Variants in FRMPD4 observed in about 807,000 individuals in gnomAD.
FRMPD4 encodes FERM and PDZ domain containing 4.
Under a neutral mutation model 94.1 loss-of-function variants are expected in FRMPD4, and 22 were observed. The observed-to-expected ratio is 0.23, with a 90% CI of 0.17 to 0.33. The LOEUF is 0.33. FRMPD4 is among the 10% of genes least tolerant of loss of function. The pLI, the probability that FRMPD4 is intolerant of heterozygous loss-of-function variation, is 1.00. For missense variants in FRMPD4, 1,111 were observed against 1,339.9 expected (o/e 0.83, Z 2.67); for synonymous variants, 631 against 548.6 (o/e 1.15, Z -2.10).
chrX:12,098,059 C>T (rs1341044034), intron 3 of FRMPD4, among the ~76,000 whole-genome samples: 2 of 112,243 alleles, frequency 1.8e-5, no homozygotes, highest in African/African-American at 6.5e-5. Context: ...GTTCCAATAT[C>T]TGCACATTTT....
intron 1 of FRMPD4, among the ~76,000 whole-genome samples, chrX:12,391,177 C>T (rs2056469459): frequency 1.9e-5 from 2 of 102,952 alleles, no homozygotes; most frequent in Non-Finnish European, 3.9e-5. Context: ...AGAGTCATTG[C>T]TTCCCACCCA....
intron 2 of FRMPD4, among the ~76,000 whole-genome samples, chrX:12,548,808 C>G (rs1343780659): frequency 1.8e-5 from 2 of 111,603 alleles, no homozygotes; most frequent in African/African-American, 6.5e-5. Context: ...TCAAGTCAGG[C>G]CACACATGGG....
At chrX:11,893,341 A>T (rs1949951) in intron 3 of FRMPD4, among the ~76,000 whole-genome samples, 5 of 110,527 alleles carry the variant, frequency 4.5e-5, no homozygotes, top group African/African-American at 1.3e-4. Flanking sequence ...ATTTTGATTC[A>T]GAATAGCACT....
At chrX:11,928,738 A>T (rs1322291125) in intron 3 of FRMPD4, among the ~76,000 whole-genome samples, 1 of 112,841 alleles carries the variant, frequency 8.9e-6, no homozygotes, top group Non-Finnish European at 1.9e-5. Context: ...AATGCCATTC[A>T]ACCCAGCAAT....
At chrX:12,138,003 T>C (rs857353), upstream of FRMPD4, among the ~76,000 whole-genome samples, 12,912 of 110,875 alleles carry the variant, frequency 0.12, 723 homozygotes, top group African/African-American at 0.21. Flanking sequence ...GCAGCTGTGT[T>C]CATCCCCCTA....
chrX:11,838,568 TTAG>T (rs777838681), intron 1 of FRMPD4, among the ~76,000 whole-genome samples: 1 of 111,491 alleles, frequency 9.0e-6, no homozygotes, highest in Admixed American at 9.6e-5. Flanking sequence ...CATTTCAGTC[TTAG>T]TTTAGAATTT....
At chrX:12,534,405 G>A (rs1262840291) in intron 2 of FRMPD4, among the ~76,000 whole-genome samples, 1 of 112,119 alleles carries the variant, frequency 8.9e-6, no homozygotes, top group Non-Finnish European at 1.9e-5. Flanking sequence ...GCACCTCCTA[G>A]TGAGCTGTGA....
intron 4 of FRMPD4, among the ~76,000 whole-genome samples, chrX:12,669,703 G>A (rs757021891): frequency 8.0e-5 from 9 of 111,834 alleles, no homozygotes; most frequent in African/African-American, 2.9e-4. Flanking sequence ...TTAAGTTAAA[G>A]AGGAAGTGAA....
intron 1 of FRMPD4, among the ~76,000 whole-genome samples, chrX:12,315,856 C>T (rs1393166491): frequency 9.0e-6 from 1 of 111,396 alleles, no homozygotes; most frequent in East Asian, 2.8e-4. Flanking sequence ...TGTCTAAAGA[C>T]ATTTTTGGTT....
intron 1 of FRMPD4, among the ~76,000 whole-genome samples, chrX:12,416,364 G>C (rs2056800949): frequency 1.8e-5 from 2 of 111,688 alleles, no homozygotes; most frequent in South Asian, 7.5e-4. Flanking sequence ...CCTCACCTGG[G>C]CTTCCTGGCC....
intron 1 of FRMPD4, among the ~76,000 whole-genome samples, chrX:11,845,134 T>G (rs148940596): frequency 1.8e-5 from 2 of 112,467 alleles, no homozygotes; most frequent in African/African-American, 6.4e-5. Flanking sequence ...TTGAACGTAT[T>G]CATAATAGCT....
chrX:12,095,692 T>A (rs184593860), intron 3 of FRMPD4, among the ~76,000 whole-genome samples: 2 of 112,064 alleles, frequency 1.8e-5, no homozygotes, highest in African/African-American at 6.5e-5. Context: ...ACCTCCCCTG[T>A]TGTCCAAGGA....
At chrX:12,471,017 G>C (rs1316998165) in intron 1 of FRMPD4, among the ~76,000 whole-genome samples, 4 of 111,854 alleles carry the variant, frequency 3.6e-5, no homozygotes, top group Non-Finnish European at 7.5e-5. Context: ...CAAATTCAAG[G>C]CTTCCTTCTC....
intron 1 of FRMPD4, among the ~76,000 whole-genome samples, chrX:12,481,521 C>G (rs985641982): frequency 9.0e-6 from 1 of 111,330 alleles, no homozygotes; most frequent in African/African-American, 3.3e-5. Context: ...CAAAACTCAA[C>G]TATGAACGGC....
chrX:11,843,444 TG>T (rs1470442766), intron 1 of FRMPD4, among the ~76,000 whole-genome samples: 1 of 112,037 alleles, frequency 8.9e-6, no homozygotes, highest in African/African-American at 3.2e-5. Flanking sequence ...TACAAAATAG[TG>T]TTATACTTTT....
intron 3 of FRMPD4, among the ~76,000 whole-genome samples, chrX:11,953,702 G>A (rs921866838): frequency 1.1e-4 from 12 of 111,630 alleles, no homozygotes; most frequent in African/African-American, 3.9e-4. Context: ...CATGGGGAGA[G>A]CGATGAGCAG....
chrX:11,941,376 C>A (rs907260184), intron 3 of FRMPD4, among the ~76,000 whole-genome samples: 1 of 111,210 alleles, frequency 9.0e-6, no homozygotes, highest in Admixed American at 9.5e-5. Flanking sequence ...ATGAGAAATC[C>A]CATATGTTTA....
chrX:11,848,581 A>G (rs1397231249), intron 1 of FRMPD4, among the ~76,000 whole-genome samples: 2 of 107,549 alleles, frequency 1.9e-5, no homozygotes, highest in South Asian at 4.2e-4. Flanking sequence ...ATCCAGGGAT[A>G]TGTGGGTGGT....
At chrX:12,382,540 T>TAG (rs1438747173) in intron 1 of FRMPD4, among the ~76,000 whole-genome samples, 168 of 104,551 alleles carry the variant, frequency 1.6e-3, no homozygotes, top group Middle Eastern at 4.8e-3. Flanking sequence ...GAGCATAGCA[T>TAG]AGCATAGCAT....
Sources: allele counts gnomAD v4.1 joint callset (sites outside exome capture counted in the v4.1 genomes callset), GRCh38; gene constraint gnomAD v4.1.1; transcripts MANE v1.5; gene names NCBI Gene and HGNC (gene_info 2026-07-23, HGNC 2026-07-21).